Variants in NMS observed in about 807,000 individuals in gnomAD.
NMS encodes the protein neuromedin-S.
NMS carries 30 observed loss-of-function variants against 32.2 expected under a neutral mutation model. The observed-to-expected ratio is 0.93, with a 90% confidence interval of 0.70 to 1.26. NMS has a LOEUF of 1.26. NMS is among the 50% of genes most tolerant of loss of function. NMS has a pLI of 0.00. For missense variants in NMS, 190 were observed against 186.3 expected, an observed-to-expected ratio of 1.02 and a Z score of -0.12; for synonymous variants, 76 against 58.5, an observed-to-expected ratio of 1.30 and a Z score of -1.37.
intron 1 of NMS, among the ~76,000 whole-genome samples, chr2:100,471,462 C>T (rs1190197736): frequency 3.3e-5 from 5 of 152,188 alleles, no homozygotes; most frequent in Admixed American, 3.3e-4. Context: ...TCTGTAGCTT[C>T]CCGATTCTAT....
rs558621954 is a variant in NMS at position 100,472,710 on chromosome 2, A to G, written c.77-85A>G. 15 of 823,156 alleles carry G rather than the reference A, an allele frequency of 1.8e-5. No individual in the cohort carries two copies. The East Asian group carries it at 3.4e-4, about 18-fold the overall frequency. 51.0% of individuals were successfully genotyped at this position (823,156 alleles called of 1,614,324 possible). A position where few individuals can be genotyped will look rare whatever the true frequency, so the allele number is the denominator to read the frequency against. ...TTTGGTGGTTTATTATTTTAACAGA[A>G]TGTCTGTTTTTCATGATAAAGACTT... is the stretch of plus-strand genomic sequence containing the variant. On this transcript the variant is annotated intron_variant, in intron 1 of 9. Coordinates refer to ENST00000376865, the MANE Select transcript of NMS (RefSeq NM_001011717.1).
At chr2:100,477,171 T>C (rs1454033392) in intron 3 of NMS, 73 bp from the exon 4 acceptor site, 4 of 1,283,688 alleles carry the variant, frequency 3.1e-6, no homozygotes, top group Admixed American at 1.7e-5. Context: ...TGGTGTACCT[T>C]ATACAGAAAA....
rs564470092 is a variant in NMS at position 100,483,275 on chromosome 2, G to A, written c.*11G>A. The A allele has an allele frequency of 1.1e-5, 17 of 1,606,616 alleles. No homozygotes were observed. The highest frequency in any genetic ancestry group is 1.4e-5 in the Non-Finnish European group (16 of 1,173,834). ...AGGATTCAGTGGTGAAAGAAAGCTG[G>A]ATCTGATGAGGCCTTCCAGGGATTA... On this transcript the variant is annotated 3_prime_UTR_variant, in exon 10 of 10. Coordinates refer to ENST00000376865, the MANE Select transcript of NMS (RefSeq NM_001011717.1).
intron 6 of NMS, among the ~76,000 whole-genome samples, chr2:100,479,762 G>A (rs1012899695): frequency 2.6e-5 from 4 of 152,052 alleles, no homozygotes; most frequent in African/African-American, 7.2e-5. Flanking sequence ...CTCCTGACAC[G>A]AAACGCCCTG....
At chr2:100,475,360 G>T (rs1447538344) in intron 3 of NMS, among the ~76,000 whole-genome samples, 2 of 152,110 alleles carry the variant, frequency 1.3e-5, no homozygotes, top group Non-Finnish European at 2.9e-5. Context: ...TCCAGAATAG[G>T]CCAAGTCTGT....
rs151299027 is a variant in NMS at position 100,481,203 on chromosome 2, C to T, written c.414+36C>T. 9.8e-5 allele frequency: 157 copies of T among 1,597,474 alleles called. No homozygotes were observed. In the African/African-American group the frequency reaches 1.5e-3, roughly 15 times the overall value. ...TTTTCTCACCTTTGCTTTCTAACCT[C>T]GATTCACTGCAGCCATCCCAATCAT... On this transcript the variant is annotated intron_variant, in intron 8 of 9. Transcript: ENST00000376865.
intron 7 of NMS, 98 bp from the exon 8 acceptor site, chr2:100,481,028 C>A: frequency 8.1e-7 from 1 of 1,230,354 alleles, no homozygotes; most frequent in Non-Finnish European, 1.2e-6. Flanking sequence ...TGCCACTGGT[C>A]TGGGACCACC....
At chr2:100,474,987 T>C (rs1677080617) in intron 3 of NMS, among the ~76,000 whole-genome samples, 1 of 152,122 alleles carries the variant, frequency 6.6e-6, no homozygotes, top group Non-Finnish European at 1.5e-5. Flanking sequence ...ACTGGGGGTG[T>C]CCTCTGCACC....
chr2:100,476,629 T>C (rs922272462), intron 3 of NMS, among the ~76,000 whole-genome samples: 8 of 152,206 alleles, frequency 5.3e-5, no homozygotes, highest in Non-Finnish European at 1.5e-5. Flanking sequence ...AGTAATCATC[T>C]CTTGTGACTT....
intron 3 of NMS, among the ~76,000 whole-genome samples, chr2:100,476,684 GTCT>G (rs10616929): frequency 0.24 from 37,082 of 151,890 alleles, 4,737 homozygotes; most frequent in East Asian, 0.34. Context: ...TTTGTAAGAA[GTCT>G]TCTTCCCGGC....
intron 7 of NMS, 81 bp downstream of exon 7, chr2:100,480,612 C>G (rs901727581): frequency 1.4e-6 from 2 of 1,408,022 alleles, no homozygotes; most frequent in East Asian, 2.3e-5. Context: ...AGCCAGCCAC[C>G]CTGCAGCCCC....
At chr2:100,472,923 C>A in intron 2 of NMS, 73 bp downstream of exon 2, 2 of 979,080 alleles carry the variant, frequency 2.0e-6, no homozygotes, top group South Asian at 3.0e-5. Context: ...ATAATGTTCA[C>A]TTAAAACTAT....
rs772548781 is a variant in NMS at position 100,473,525 on chromosome 2, T to C, written c.169T>C (p.Ser57Pro). 2 of 1,465,918 alleles carry C rather than the reference T, an allele frequency of 1.4e-6. No individual in the cohort carries two copies. Among genetic ancestry groups the C allele is most frequent in the Non-Finnish European group, 1.8e-6 (2 of 1,094,796 alleles). 90.8% of individuals were successfully genotyped at this position (1,465,918 alleles called of 1,614,324 possible). A position where few individuals can be genotyped will look rare whatever the true frequency, so the allele number is the denominator to read the frequency against. Residue 57 changes from serine (S) to proline (P), a missense_variant, in exon 3 of 10, where the codon TCT becomes CCT. Coordinates refer to ENST00000376865, the MANE Select transcript of NMS (RefSeq NM_001011717.1). Reference sequence around the variant, plus strand: ...TTGTCTGAGTCAGTGGGCACCTCTTTCTCGCCAACCTAAGGTAAAAAAATG... The same window carrying C: ...TTGTCTGAGTCAGTGGGCACCTCTTCCTCGCCAACCTAAGGTAAAAAAATG... Reference protein sequence around the residue: ...AYCLSQWAPLSRQPKDNQDIY... With the variant: ...AYCLSQWAPLPRQPKDNQDIY...
intron 5 of NMS, 142 bp downstream of exon 5, chr2:100,477,556 C>G: frequency 1.6e-6 from 1 of 624,502 alleles, no homozygotes; most frequent in East Asian, 2.7e-5. Flanking sequence ...GGGCTTTTCC[C>G]TGGGGCTGCA....
chr2:100,472,618 C>T (rs1388377579), intron 1 of NMS, among the ~76,000 whole-genome samples, 177 bp from the exon 2 acceptor site: 1 of 152,118 alleles, frequency 6.6e-6, no homozygotes, highest in Non-Finnish European at 1.5e-5. Context: ...AGTGTATTTT[C>T]TTTGTAAATC....
chr2:100,471,938 T>G (rs1015862475), intron 1 of NMS, among the ~76,000 whole-genome samples: 2 of 151,454 alleles, frequency 1.3e-5, no homozygotes, highest in African/African-American at 4.9e-5. Flanking sequence ...GCTCAGTGCC[T>G]TTACCTCATA....
chr2:100,479,424 G>C lies in NMS; in HGVS notation c.333G>C (p.Gln111His). 6.2e-7 allele frequency: 1 copy of C among 1,609,544 alleles called. No individual in the cohort carries two copies. The highest frequency in any genetic ancestry group is 8.5e-7 in the Non-Finnish European group (1 of 1,177,816). ...LANRRMKRIL[Q>H]RGSGTAAVDF... ...ACAGGCGGATGAAGAGAATTCTGCA[G>C]CGAGTACGTGCTTTTATTCTTCCAC... The change falls in exon 6 of 10, where the codon CAG becomes CAC. Residue 111 changes from glutamine (Q) to histidine (H), a missense_variant. Physicochemically the swap from Gln to His is conservative, Grantham distance 24. Coordinates refer to ENST00000376865, the MANE Select transcript of NMS (RefSeq NM_001011717.1).
intron 8 of NMS, 49 bp from the exon 9 acceptor site, chr2:100,482,228 T>C: frequency 6.4e-7 from 1 of 1,564,778 alleles, no homozygotes; most frequent in South Asian, 1.1e-5. Flanking sequence ...AGATACAGGC[T>C]GCAGAAAGTT....
At chr2:100,473,872 C>A (rs1054006251) in intron 3 of NMS, among the ~76,000 whole-genome samples, 2 of 152,018 alleles carry the variant, frequency 1.3e-5, no homozygotes, top group Admixed American at 6.6e-5. Context: ...CAATAGTTAT[C>A]ATTTAAAAGA....
Sources: gnomAD v4.1 joint callset for allele counts (sites outside exome capture counted in the v4.1 genomes callset) on GRCh38, gnomAD v4.1.1 for gene constraint, MANE v1.5 for transcripts, NCBI Gene and HGNC (gene_info 2026-07-23, HGNC 2026-07-21) for gene names.